The following GCNT2 variants were observed in gnomAD, a reference collection of about 807,000 sequenced individuals.
GCNT2 encodes glucosaminyl (N-acetyl) transferase 2 (I blood group).
Under a neutral mutation model 34.2 loss-of-function variants are expected in GCNT2, and 34 were observed. The ratio of observed to expected loss-of-function variants is 1.00; its 90% CI spans 0.76 to 1.32. The LOEUF (loss-of-function observed/expected upper bound fraction) is 1.32, where lower values mean the gene tolerates loss of function less well. GCNT2 is among the 40% of genes most tolerant of loss of function. The pLI is 0.00. For synonymous variants in GCNT2, 212 were observed against 188.0 expected (o/e 1.13, Z -1.04); for missense variants, 584 against 489.4 (o/e 1.19, Z -1.82).
At chr6:10,587,129 AAACT>A (rs1764389856) in intron 3 of GCNT2, among the ~76,000 whole-genome samples, 1 of 152,246 alleles carries the variant, frequency 6.6e-6, no homozygotes, top group South Asian at 2.1e-4. Flanking sequence ...CGCCCCAGCA[AAACT>A]AACTTTGATT....
chr6:10,617,772 T>TTTTTTTTTTG (rs1491521376), intron 3 of GCNT2, among the ~76,000 whole-genome samples: 1 of 91,424 alleles, frequency 1.1e-5, no homozygotes, highest in African/African-American at 3.2e-5. Context: ...TTTTTTTTTT[T>TTTTTTTTTTG]GACACAGGGT....
At chr6:10,577,243 G>T (rs1763861228) in intron 3 of GCNT2, among the ~76,000 whole-genome samples, 2 of 152,348 alleles carry the variant, frequency 1.3e-5, no homozygotes, top group South Asian at 2.1e-4. Context: ...GCAGTGTGAG[G>T]GGGGAGGTGA....
intron 3 of GCNT2, among the ~76,000 whole-genome samples, chr6:10,531,815 A>G (rs558138416): frequency 6.6e-6 from 1 of 150,822 alleles, no homozygotes; most frequent in Non-Finnish European, 1.5e-5. Context: ...CTATACGGGG[A>G]GACATTGACA....
At chr6:10,538,773 A>G (rs1761903851) in intron 3 of GCNT2, among the ~76,000 whole-genome samples, 2 of 152,168 alleles carry the variant, frequency 1.3e-5, no homozygotes. Context: ...ATGATAATGT[A>G]TATAAATAGT....
chr6:10,610,996 A>C (rs781461640), intron 3 of GCNT2, among the ~76,000 whole-genome samples: 1 of 152,202 alleles, frequency 6.6e-6, no homozygotes, highest in Non-Finnish European at 1.5e-5. Flanking sequence ...GAGATGTCAT[A>C]TTAAGAATGC....
At chr6:10,626,308 C>T in intron 4 of GCNT2, 109 bp from the exon 5 acceptor site, 5 of 807,776 alleles carry the variant, frequency 6.2e-6, no homozygotes, top group Non-Finnish European at 1.1e-5. Context: ...AATCCTGTAC[C>T]ATTGGCACAG....
At chr6:10,615,883 TGGTTTTGGTG>T (rs536572357) in intron 3 of GCNT2, among the ~76,000 whole-genome samples, 1 of 152,178 alleles carries the variant, frequency 6.6e-6, no homozygotes, top group Non-Finnish European at 1.5e-5. Flanking sequence ...ATCGCCACTT[TGGTTTTGGTG>T]GGTTTTGGGC....
chr6:10,617,019 C>T (rs1039132324), intron 3 of GCNT2, among the ~76,000 whole-genome samples: 1 of 152,234 alleles, frequency 6.6e-6, no homozygotes, highest in Non-Finnish European at 1.5e-5. Flanking sequence ...GCACCAGGGC[C>T]GCAGGTGGAG....
intron 3 of GCNT2, among the ~76,000 whole-genome samples, chr6:10,547,723 T>C (rs1325209349): frequency 6.6e-6 from 1 of 152,220 alleles, no homozygotes; most frequent in Non-Finnish European, 1.5e-5. Context: ...GTTTTTACTG[T>C]GATCGTTACC....
chr6:10,589,377 TGTG>T (rs1430737718), intron 3 of GCNT2, among the ~76,000 whole-genome samples: 8 of 149,808 alleles, frequency 5.3e-5, no homozygotes, highest in East Asian at 2.0e-4. Context: ...GTGTTTGTAG[TGTG>T]GTGTGTGTTT....
Position 10,574,716 on chromosome 6 carries a change from T to C in GCNT2, c.925+44880T>C, listed in dbSNP as rs115848740. 772 of 481,576 alleles carry C rather than the reference T, an allele frequency of 1.6e-3. 5 individuals carry two copies. Among genetic ancestry groups the C allele is most frequent in the African/African-American group, 0.014 (714 of 50,518 alleles). The allele number at this position is 481,576 out of a possible 1,614,324, so 29.8% of individuals were successfully genotyped here. On this transcript the variant is annotated intron_variant, in intron 3 of 4. Coordinates refer to ENST00000495262, the MANE Select transcript of GCNT2 (RefSeq NM_145649.5). ...TTGTTTGTTTGTTTGTTTTACAGTC[T>C]AGAGGTCTTTTATTTTTTTTTAACA...
intron 3 of GCNT2, among the ~76,000 whole-genome samples, chr6:10,567,068 C>T (rs1396687716): frequency 6.6e-6 from 1 of 152,198 alleles, no homozygotes; most frequent in Non-Finnish European, 1.5e-5. Context: ...CCTATAATCC[C>T]AGCACTTTGG....
chr6:10,613,322 G>A (rs754703996), intron 3 of GCNT2, among the ~76,000 whole-genome samples: 12 of 152,044 alleles, frequency 7.9e-5, no homozygotes, highest in Non-Finnish European at 1.2e-4. Flanking sequence ...AGCCTATGAA[G>A]AGCAAATGAG....
At chr6:10,597,122 G>A (rs1764885942) in intron 3 of GCNT2, among the ~76,000 whole-genome samples, 1 of 136,464 alleles carries the variant, frequency 7.3e-6, no homozygotes, top group Admixed American at 7.3e-5. Context: ...TTTTTAAGGT[G>A]TTTGAGAATT....
intron 3 of GCNT2, among the ~76,000 whole-genome samples, chr6:10,534,224 C>G (rs909330885): frequency 2.0e-5 from 3 of 148,538 alleles, no homozygotes; most frequent in Non-Finnish European, 4.4e-5. Flanking sequence ...TCACTGCAAC[C>G]TCCTCCTCCT....
chr6:10,613,670 G>A (rs768898650), intron 3 of GCNT2, among the ~76,000 whole-genome samples: 3 of 152,170 alleles, frequency 2.0e-5, no homozygotes, highest in Non-Finnish European at 2.9e-5. Flanking sequence ...CAAGTGCATC[G>A]CATGTAATAA....
At chr6:10,608,985 G>C (rs1765440512) in intron 3 of GCNT2, among the ~76,000 whole-genome samples, 1 of 152,212 alleles carries the variant, frequency 6.6e-6, no homozygotes. Flanking sequence ...AAACCCCGGT[G>C]AATTGTTGTC....
At chr6:10,555,711 C>G in intron 3 of GCNT2, 1 of 985,172 alleles carries the variant, frequency 1.0e-6, no homozygotes, top group Non-Finnish European at 1.2e-6. Context: ...AGGAACTCCT[C>G]CTCCAGTAAG....
intron 3 of GCNT2, among the ~76,000 whole-genome samples, chr6:10,606,403 A>G (rs1765312837): frequency 6.6e-6 from 1 of 152,196 alleles, no homozygotes; most frequent in Admixed American, 6.5e-5. Context: ...CCCCCTCTTA[A>G]TGGAAAAGCT....
Sources: allele counts gnomAD v4.1 joint callset (sites outside exome capture counted in the v4.1 genomes callset), GRCh38; gene constraint gnomAD v4.1.1; transcripts MANE v1.5; gene names NCBI Gene and HGNC (gene_info 2026-07-23, HGNC 2026-07-21).